SCARA5: variants seen among roughly 807,000 people sequenced by gnomAD.
The protein encoded by SCARA5 is scavenger receptor class A, member 5 (putative).
In SCARA5, 45 loss-of-function variants were observed where a neutral mutation model predicts 46.3. That is an observed-to-expected ratio of 0.97 (90% confidence interval 0.76 to 1.24). The LOEUF (loss-of-function observed/expected upper bound fraction) is 1.24, where lower values mean the gene tolerates loss of function less well. Among genes scored for constraint, SCARA5 ranks in the 50% most tolerant of loss-of-function variants. SCARA5 has a pLI of 0.00. For synonymous variants in SCARA5, 333 were observed against 306.5 expected, an observed-to-expected ratio of 1.09 and a Z score of -0.90; for missense variants, 680 against 689.0, an observed-to-expected ratio of 0.99 and a Z score of 0.15.
chr8:27,870,214 GTTT>G lies in SCARA5; in HGVS notation c.*1717_*1719del, dbSNP rs11321344. 55 of 129,898 alleles carry G rather than the reference GTTT, an allele frequency of 4.2e-4. No homozygotes were observed. Among genetic ancestry groups the G allele is most frequent in the African/African-American group, 4.3e-4 (15 of 35,100 alleles). The allele number at this position is 129,898 out of a possible 1,614,324, so 8.0% of individuals were successfully genotyped here. ...TTCAATGTGGCATCTTTCACCTTTA[GTTT>G]TTTTTTTTTTTTTTTTTTAACTTAA... is the stretch of plus-strand genomic sequence containing the variant. On this transcript the variant is annotated 3_prime_UTR_variant, in exon 9 of 9. Transcript: ENST00000354914.
chr8:27,928,029 G>T (rs1447586203), intron 3 of SCARA5, among the ~76,000 whole-genome samples: 2 of 152,130 alleles, frequency 1.3e-5, no homozygotes, highest in African/African-American at 4.8e-5. Context: ...AATTATTTGG[G>T]GATAAATATT....
At chr8:27,886,680 T>C (rs1307274441) in intron 7 of SCARA5, among the ~76,000 whole-genome samples, 1 of 152,184 alleles carries the variant, frequency 6.6e-6, no homozygotes, top group Admixed American at 6.5e-5. Context: ...CCCTCTAGCC[T>C]GAGAAGGACG....
At chr8:27,875,583 T>C (rs1226596473) in intron 8 of SCARA5, among the ~76,000 whole-genome samples, 4 of 150,462 alleles carry the variant, frequency 2.7e-5, no homozygotes, top group Non-Finnish European at 5.9e-5. Flanking sequence ...GGAGAAGAGG[T>C]GGGACATGAA....
intron 4 of SCARA5, among the ~76,000 whole-genome samples, chr8:27,920,429 A>G (rs1378773157): frequency 6.6e-6 from 1 of 151,818 alleles, no homozygotes; most frequent in Non-Finnish European, 1.5e-5. Context: ...CCTGGCCAAC[A>G]TGGTGAAACT....
intron 7 of SCARA5, among the ~76,000 whole-genome samples, chr8:27,902,845 C>G (rs1807179704): frequency 6.6e-6 from 1 of 151,972 alleles, no homozygotes; most frequent in South Asian, 2.1e-4. Flanking sequence ...GTTAAGCAGC[C>G]CTGGAAAGGG....
chr8:27,914,607 G>A (rs1471539010), intron 4 of SCARA5, among the ~76,000 whole-genome samples: 1 of 152,254 alleles, frequency 6.6e-6, no homozygotes, highest in Non-Finnish European at 1.5e-5. Context: ...GAAGTGCCAT[G>A]ACATCTGTTG....
In SCARA5 at chr8:27,921,894, A is replaced by T. The variant is rs1441196565; in HGVS notation, c.593T>A (p.Leu198Gln). Residue 198 changes from leucine (L) to glutamine (Q), a missense_variant, in exon 4 of 9, where the codon CTG (leucine) becomes CAG (glutamine). Around this residue, in one of 3 missense-constraint regions of SCARA5, gnomAD observed 438 missense variants for 384.5 expected, o/e 1.14. Transcript: ENST00000354914. ...LQVESNSSQL[L>Q]LRRHAGLLDG... ...CAGCAGGCCCGCGTGGCGCCTCAGCAGCAGCTGGCTACTGTTGCTCTCCAC... is the reference window on the plus strand; with the variant it reads ...CAGCAGGCCCGCGTGGCGCCTCAGCTGCAGCTGGCTACTGTTGCTCTCCAC... 6.6e-7 allele frequency: 1 copy of T among 1,505,360 alleles called. No homozygotes were observed. The highest frequency in any genetic ancestry group is 1.4e-5 in the African/African-American group (1 of 70,358). The allele number at this position is 1,505,360 out of a possible 1,614,324, so 93.3% of individuals were successfully genotyped here.
At chr8:27,949,770 G>C (rs908138125) in intron 3 of SCARA5, among the ~76,000 whole-genome samples, 1 of 152,242 alleles carries the variant, frequency 6.6e-6, no homozygotes, top group Non-Finnish European at 1.5e-5. Context: ...TCTCAGGTCT[G>C]AGTCCTCCCC....
rs1434370312 is a variant in SCARA5, at chr8:27,992,292, C to T, written c.-51G>A. The stretch of plus-strand genomic sequence containing the variant: ...CTGGCTGAGGCTGTAGAGCCTTGTC[C>T]CCTCAGATCTCAGCATTTGCCATGG... On this transcript the variant is annotated 5_prime_UTR_variant, in exon 1 of 9. Transcript: ENST00000354914. 2 of 152,262 alleles carry T rather than the reference C, an allele frequency of 1.3e-5. No homozygotes were observed. The highest frequency in any genetic ancestry group is 4.8e-5 in the African/African-American group (2 of 41,464). 9.4% of individuals were successfully genotyped at this position (152,262 alleles called of 1,614,324 possible).
chr8:27,913,670 C>G (rs563928622), intron 4 of SCARA5, among the ~76,000 whole-genome samples: 9 of 152,334 alleles, frequency 5.9e-5, no homozygotes, highest in African/African-American at 2.2e-4. Context: ...GTCTCCGTCT[C>G]TCTCCAGCCC....
rs534566374 is a variant in SCARA5 at position 27,963,299 on chromosome 8, G to T, written c.241+3115C>A. Among the ~76,000 whole-genome samples the T allele has an allele frequency of 1.3e-3, 193 of 152,294 alleles. 1 individual carries two copies. Among genetic ancestry groups the T allele is most frequent in the African/African-American group, 4.6e-3 (191 of 41,558 alleles). ...GAGGACCCCCTGGCCACACGACCAG[G>T]CAATCTCAATTCTTTAGTTCATGAA... On this transcript the variant is annotated intron_variant, in intron 3 of 8. Transcript: ENST00000354914.
chr8:27,954,034 G>A (rs1003012234), intron 3 of SCARA5, among the ~76,000 whole-genome samples: 1 of 152,114 alleles, frequency 6.6e-6, no homozygotes, highest in Non-Finnish European at 1.5e-5. Context: ...TCCCCTCCCT[G>A]GGCCTCCGTC....
rs755611228 is a variant in SCARA5, at chr8:27,921,988, CCGCCTGCTCGGTCTGCACCGCCTG to C, written c.475_498del (p.Gln159_Ala166del). The C allele has an allele frequency of 1.2e-5, 19 of 1,552,534 alleles. No individual in the cohort carries two copies. The highest frequency in any genetic ancestry group is 1.6e-5 in the Non-Finnish European group (19 of 1,157,932). On this transcript the variant is annotated inframe_deletion, in exon 4 of 9. Transcript: ENST00000354914. ...CCCGTGCGGTCCCGCAGCAGGGCCA[CCGCCTGCTCGGTCTGCACCGCCTG>C]CGCCTGCAGCCCCCACAGCGCGCCC...
At chr8:27,940,693 T>C (rs567426527) in intron 3 of SCARA5, among the ~76,000 whole-genome samples, 10 of 127,676 alleles carry the variant, frequency 7.8e-5, no homozygotes, top group Admixed American at 3.4e-4. Flanking sequence ...TGTCCATCTA[T>C]CCACCCACCC....
chr8:27,947,867 G>T (rs2685422), intron 3 of SCARA5, among the ~76,000 whole-genome samples: 11 of 151,846 alleles, frequency 7.2e-5, no homozygotes, highest in Non-Finnish European at 1.2e-4. Context: ...AGAGTGAAAA[G>T]ATAAAATAAA....
chr8:27,947,016 T>C (rs77046888), intron 3 of SCARA5, among the ~76,000 whole-genome samples: 2 of 141,248 alleles, frequency 1.4e-5, no homozygotes, highest in South Asian at 4.4e-4. Context: ...CTGTTGGGCT[T>C]TTTTTTTTTT....
In SCARA5 at chr8:27,974,948, G is replaced by A. The variant is rs1336470478; in HGVS notation, c.113-8406C>T. On this transcript the variant is annotated intron_variant, in intron 2 of 8. Coordinates refer to ENST00000354914, the MANE Select transcript of SCARA5 (RefSeq NM_173833.6). ...CAAAAAAAAATCTTCTAAAGCTCTT[G>A]GGATTTCCAGAGTCATAAGAGTGAT... Among the ~76,000 whole-genome samples, 4 of 152,112 alleles carry A rather than the reference G, an allele frequency of 2.6e-5. No homozygotes were observed. The East Asian group carries it at 5.8e-4, about 22-fold the overall frequency.
At chr8:27,958,508 G>A (rs1019023962) in intron 3 of SCARA5, among the ~76,000 whole-genome samples, 4 of 152,228 alleles carry the variant, frequency 2.6e-5, no homozygotes, top group South Asian at 2.1e-4. Context: ...ATGCGTGCAC[G>A]GGCTGGCAAG....
chr8:27,973,129 AAACTCT>A (rs1808471900), intron 2 of SCARA5, among the ~76,000 whole-genome samples: 1 of 152,182 alleles, frequency 6.6e-6, no homozygotes, highest in Non-Finnish European at 1.5e-5. Context: ...AATAATTGAC[AAACTCT>A]AATTGGCTGG....
Sources: allele counts gnomAD v4.1 joint callset (sites outside exome capture counted in the v4.1 genomes callset), GRCh38; gene constraint gnomAD v4.1.1; regional missense constraint gnomAD v4.1.1; transcripts MANE v1.5; gene names NCBI Gene and HGNC (gene_info 2026-07-23, HGNC 2026-07-21).